Variants in URI1 observed in about 807,000 individuals in gnomAD.
The protein encoded by URI1 is URI1 prefoldin like chaperone.
A neutral mutation model predicts 60.2 loss-of-function variants in URI1; 39 were observed. The ratio of observed to expected loss-of-function variants is 0.65; its 90% CI spans 0.50 to 0.85. URI1 has a LOEUF of 0.85. Among genes scored for constraint, URI1 ranks in the 40% least tolerant of loss-of-function variants. The pLI, the probability that URI1 is intolerant of heterozygous loss-of-function variation, is 0.00. For synonymous variants in URI1, 251 were observed against 236.8 expected, an observed-to-expected ratio of 1.06 and a Z score of -0.55; for missense variants, 691 against 665.9, an observed-to-expected ratio of 1.04 and a Z score of -0.42.
intron 2 of URI1, among the ~76,000 whole-genome samples, chr19:29,978,305 T>TCATCA (rs1402292399): frequency 3.1e-4 from 47 of 152,282 alleles, no homozygotes; most frequent in Non-Finnish European, 4.4e-5. Flanking sequence ...CCTAGAATAG[T>TCATCA]CCTTGATGAC....
chr19:29,944,315 CT>C (rs2145229816), intron 1 of URI1, among the ~76,000 whole-genome samples: 1 of 150,598 alleles, frequency 6.6e-6, no homozygotes, highest in Admixed American at 6.6e-5. Context: ...TTTGCCAAAA[CT>C]TGGCATTTTT....
At chr19:29,999,576 T>C (rs148019454) in intron 4 of URI1, among the ~76,000 whole-genome samples, 4 of 152,178 alleles carry the variant, frequency 2.6e-5, no homozygotes, top group Non-Finnish European at 5.9e-5. Context: ...TTGTGATGAG[T>C]GGTTTTTCTC....
At position 29,999,783 on chromosome 19, in the gene URI1, A is replaced by C. The variant is rs965311590; in HGVS notation, c.368-5578A>C. Among the ~76,000 whole-genome samples the C allele has an allele frequency of 5.3e-5, 8 of 152,022 alleles. No homozygotes were observed. The East Asian group carries it at 1.2e-3, about 22-fold the overall frequency. Reference sequence around the variant, plus strand: ...AAATACAAATTTATGATTTTAGTTTATGATAGATGTATATAGCTTTAAATA... The same window carrying C: ...AAATACAAATTTATGATTTTAGTTTCTGATAGATGTATATAGCTTTAAATA... On this transcript the variant is annotated intron_variant, in intron 4 of 10. Transcript: ENST00000392271.
At chr19:30,001,222 G>A (rs952082879) in intron 4 of URI1, among the ~76,000 whole-genome samples, 19 of 151,774 alleles carry the variant, frequency 1.3e-4, no homozygotes, top group Non-Finnish European at 2.7e-4. Context: ...TTATACTTGC[G>A]TTGAGTACTG....
At chr19:29,980,529 C>T (rs162919) in intron 2 of URI1, among the ~76,000 whole-genome samples, 5 of 145,912 alleles carry the variant, frequency 3.4e-5, no homozygotes, top group African/African-American at 5.1e-5. Flanking sequence ...CCTCTTTCCC[C>T]GTTAGGCATC....
At chr19:29,994,311 C>T (rs556775408) in intron 4 of URI1, among the ~76,000 whole-genome samples, 2 of 151,916 alleles carry the variant, frequency 1.3e-5, no homozygotes. Context: ...CCTCCCCTCC[C>T]CTCCCTTCCC....
chr19:29,985,515 CAT>C (rs2055657585), intron 3 of URI1, among the ~76,000 whole-genome samples: 1 of 151,660 alleles, frequency 6.6e-6, no homozygotes, highest in Non-Finnish European at 1.5e-5. Context: ...ACACAAATGA[CAT>C]AAATATTAGC....
At chr19:29,976,070 A>G (rs1013168041) in intron 2 of URI1, among the ~76,000 whole-genome samples, 3 of 152,166 alleles carry the variant, frequency 2.0e-5, no homozygotes, top group Non-Finnish European at 4.4e-5. Flanking sequence ...TATGTCAGAC[A>G]TTTAACTTTT....
Position 30,009,232 on chromosome 19 carries a change from A to T in URI1, c.914A>T (p.Asp305Val), listed in dbSNP as rs755670302. 2 of 1,612,636 alleles carry T rather than the reference A, an allele frequency of 1.2e-6. No individual in the cohort carries two copies. Among genetic ancestry groups the T allele is most frequent in the African/African-American group, 2.7e-5 (2 of 74,868 alleles). ...SYHSDDDDDD[D>V]DDDDDDNIDD... ...CACAGTGATGATGATGATGATGATG[A>T]TGATGACGACGACGACGACAACATT... The change falls in exon 8 of 11, where the codon GAT becomes GTT. Residue 305 changes from aspartate (D) to valine (V), a missense_variant. Transcript: ENST00000392271.
Position 29,961,318 on chromosome 19 carries a change from C to T in URI1, c.118-9875C>T, listed in dbSNP as rs565205828. ...CATTAAACAATAACTCTCTATTCTT[C>T]CCCTTCCTGATCTGGCTGCCAGCAT... On this transcript the variant is annotated intron_variant, in intron 1 of 10. Coordinates refer to ENST00000392271, the MANE Select transcript of URI1 (RefSeq NM_003796.3). Among the ~76,000 whole-genome samples, 7 of 149,006 alleles carry T rather than the reference C, an allele frequency of 4.7e-5. No individual in the cohort carries two copies. The South Asian group carries it at 1.5e-3, about 32-fold the overall frequency.
At chr19:29,976,577 G>A (rs908055991) in intron 2 of URI1, among the ~76,000 whole-genome samples, 6 of 152,192 alleles carry the variant, frequency 3.9e-5, no homozygotes, top group South Asian at 2.1e-4. Flanking sequence ...GAGAGGAGGC[G>A]TGAAAAAGAA....
intron 1 of URI1, among the ~76,000 whole-genome samples, chr19:29,924,998 G>A (rs1427569442): frequency 9.2e-5 from 14 of 152,164 alleles, no homozygotes. Flanking sequence ...ACCACGCCCG[G>A]CTAATTTTTG....
At chr19:29,963,867 C>T (rs1258050799) in intron 1 of URI1, among the ~76,000 whole-genome samples, 1 of 152,190 alleles carries the variant, frequency 6.6e-6, no homozygotes, top group Admixed American at 6.5e-5. Context: ...CTTGATTTTG[C>T]TCACTACACC....
At chr19:29,992,732 G>A (rs2055762287) in intron 4 of URI1, among the ~76,000 whole-genome samples, 1 of 152,204 alleles carries the variant, frequency 6.6e-6, no homozygotes, top group African/African-American at 2.4e-5. Context: ...TTAGAAAGGA[G>A]TACATCTTCA....
chr19:30,014,966 T>C lies in URI1; in HGVS notation c.1505T>C (p.Leu502Pro). The C allele has an allele frequency of 6.2e-7, 1 of 1,613,888 alleles. No individual in the cohort carries two copies. The highest frequency in any genetic ancestry group is 8.5e-7 in the Non-Finnish European group (1 of 1,179,812). ...CCCCCAGCCATTGCTCATCCCGCAC[T>C]ACCCACTATTCCAGAACGAAAGGAA... ...TPPPAIAHPALPTIPERKEVL... is the reference protein window; with the variant it reads ...TPPPAIAHPAPPTIPERKEVL... Residue 502 changes from leucine (L) to proline (P), a missense_variant, in exon 11 of 11, where the codon CTA (leucine) becomes CCA (proline). By Grantham distance (98) the Leu-to-Pro change is moderately conservative (BLOSUM62 -3). Transcript: ENST00000392271.
At chr19:29,928,150 C>T (rs2054886255) in intron 1 of URI1, among the ~76,000 whole-genome samples, 1 of 152,036 alleles carries the variant, frequency 6.6e-6, no homozygotes, top group East Asian at 1.9e-4. Context: ...TCAAGATGAC[C>T]GCAGCTGCAT....
chr19:29,941,837 T>C (rs1461105694), upstream of URI1, among the ~76,000 whole-genome samples: 1 of 152,158 alleles, frequency 6.6e-6, no homozygotes, highest in Admixed American at 6.5e-5. Flanking sequence ...AAATTAAATG[T>C]GCTTATGAAA....
At position 29,942,430 on chromosome 19, in the gene URI1, G is replaced by C; in HGVS notation, c.-118G>C. ...GGCGGCGGCGGGCGCGGCCTCCTGG[G>C]CGCGGGGCGCGCGGTGCCTGAGGGC... On this transcript the variant is annotated 5_prime_UTR_variant, in exon 1 of 11. Coordinates refer to ENST00000392271, the MANE Select transcript of URI1 (RefSeq NM_003796.3). 6 of 984,670 alleles carry C rather than the reference G, an allele frequency of 6.1e-6. No individual in the cohort carries two copies. The highest frequency in any genetic ancestry group is 7.2e-6 in the Non-Finnish European group (6 of 830,232). The allele number at this position is 984,670 out of a possible 1,614,324, so 61.0% of individuals were successfully genotyped here.
intron 2 of URI1, among the ~76,000 whole-genome samples, chr19:29,980,596 A>G (rs934439991): frequency 3.0e-5 from 4 of 135,334 alleles, no homozygotes; most frequent in Non-Finnish European, 6.2e-5. Context: ...AGAGAGTGAT[A>G]GAAGATTTTT....
Sources: gnomAD v4.1 joint callset for allele counts (sites outside exome capture counted in the v4.1 genomes callset) on GRCh38, gnomAD v4.1.1 for gene constraint, MANE v1.5 for transcripts, NCBI Gene and HGNC (gene_info 2026-07-23, HGNC 2026-07-21) for gene names.